ZNF229: variants seen among roughly 807,000 people sequenced by gnomAD.
ZNF229 encodes the protein zinc finger protein 229.
In ZNF229, 10 loss-of-function variants were observed where a neutral mutation model predicts 11.8. The observed-to-expected ratio is 0.85, with a 90% CI of 0.52 to 1.44. The LOEUF is 1.44. Among genes scored for constraint, ZNF229 ranks in the 40% most tolerant of loss-of-function variants. The probability of loss-of-function intolerance (pLI) is 0.00; values close to 1 mark genes in which losing one functional copy is unlikely to be tolerated. For synonymous variants in ZNF229, 368 were observed against 374.8 expected, an observed-to-expected ratio of 0.98 and a Z score of 0.21; for missense variants, 1,045 against 1,015.1, an observed-to-expected ratio of 1.03 and a Z score of -0.40.
chr19:44,443,269 C>T (rs1213826167), intron 2 of ZNF229, among the ~76,000 whole-genome samples: 4 of 152,132 alleles, frequency 2.6e-5, no homozygotes, highest in Non-Finnish European at 4.4e-5. Context: ...AGGCACAGGG[C>T]CCCTCAGAAG....
chr19:44,431,878 G>A (rs1363284018), intron 5 of ZNF229: 1 of 908,114 alleles, frequency 1.1e-6, no homozygotes, highest in African/African-American at 1.8e-5. Context: ...GGGTCTTCCG[G>A]AGGTAATTAA....
chr19:44,430,362 T>C lies in ZNF229; in HGVS notation c.419A>G (p.His140Arg), dbSNP rs761861761. The change falls in exon 6 of 6, where the codon CAT (histidine) becomes CGT (arginine). Residue 140 changes from histidine (H) to arginine (R), a missense_variant. By Grantham distance (29) the His-to-Arg change is conservative (BLOSUM62 0). Transcript: ENST00000614049. The stretch of plus-strand genomic sequence containing the variant: ...CGTAGATGCTCCTTCCCACCCTTGA[T>C]GGGGAGCAGCATCTTCTGAGAACTG... ...DFQFSEDAAP[H>R]QGWEGASTPC... The C allele has an allele frequency of 5.0e-6, 8 of 1,614,044 alleles. No individual in the cohort carries two copies. The South Asian group carries it at 6.6e-5, about 13-fold the overall frequency.
intron 4 of ZNF229, among the ~76,000 whole-genome samples, chr19:44,440,270 G>A (rs890354100): frequency 6.6e-6 from 1 of 151,402 alleles, no homozygotes; most frequent in Non-Finnish European, 1.5e-5. Context: ...GGAACACAGT[G>A]GAAAATGGCA....
intron 2 of ZNF229, 87 bp from the exon 3 acceptor site, chr19:44,443,111 T>C (rs971579366): frequency 1.8e-6 from 1 of 552,166 alleles, no homozygotes; most frequent in African/African-American, 1.9e-5. Context: ...ATTCATTCAG[T>C]AGTTTACAGG....
At chr19:44,432,448 A>T in intron 4 of ZNF229, 82 bp from the exon 5 acceptor site, 1 of 1,563,442 alleles carries the variant, frequency 6.4e-7, no homozygotes, top group Non-Finnish European at 8.6e-7. Context: ...AGAAATAAAA[A>T]AATTTAAAAA....
At chr19:44,448,246 G>A (rs191346227) in intron 1 of ZNF229, 63 bp downstream of exon 1, 2 of 152,198 alleles carry the variant, frequency 1.3e-5, no homozygotes, top group African/African-American at 4.8e-5. Flanking sequence ...TGCCGACCCG[G>A]GCCCACCCCG....
At chr19:44,447,083 C>A (rs1011370536) in intron 2 of ZNF229, among the ~76,000 whole-genome samples, 1 of 152,210 alleles carries the variant, frequency 6.6e-6, no homozygotes, top group African/African-American at 2.4e-5. Context: ...AGCAACTCAT[C>A]TGTGACATGG....
rs116023456 is a variant in ZNF229, at chr19:44,440,797, C to T, written c.93+1766G>A. 4.1e-3 allele frequency among the ~76,000 whole-genome samples: 622 copies of T among 151,074 alleles called. 1 individual carries two copies. The highest frequency in any genetic ancestry group is 0.015 in the African/African-American group (597 of 41,092). Reference sequence around the variant, plus strand: ...GGAGTAGAGTGGCATGATCTTGGTTCACTGCAGCCTTGATTTCCCTGGGCT... The same window carrying T: ...GGAGTAGAGTGGCATGATCTTGGTTTACTGCAGCCTTGATTTCCCTGGGCT... On this transcript the variant is annotated intron_variant, in intron 4 of 5. Transcript: ENST00000614049.
rs61742344 is a variant in ZNF229, at chr19:44,428,347, G to A, written c.2434C>T (p.Arg812Trp). 1.0e-4 allele frequency: 169 copies of A among 1,613,658 alleles called. 1 individual carries two copies. Among genetic ancestry groups the A allele is most frequent in the South Asian group, 7.8e-4 (71 of 91,052 alleles). ...CCTAAATGCACTCTTTGGTGGTTCCGCAGACCTGAGGTATAACTGAAGCCT... is the reference window on the plus strand; with the variant it reads ...CCTAAATGCACTCTTTGGTGGTTCCACAGACCTGAGGTATAACTGAAGCCT... ...GKGFSYTSGLRNHQRVHLGEN... is the reference protein window; with the variant it reads ...GKGFSYTSGLWNHQRVHLGEN... The change falls in exon 6 of 6, where the codon CGG becomes TGG. Residue 812 changes from arginine (R) to tryptophan (W), a missense_variant. By Grantham distance (101) the Arg-to-Trp change is moderately radical (BLOSUM62 -3). Transcript: ENST00000614049.
intron 5 of ZNF229, 181 bp downstream of exon 5, chr19:44,432,041 T>A: frequency 8.0e-7 from 1 of 1,249,018 alleles, no homozygotes; most frequent in Non-Finnish European, 1.0e-6. Context: ...GCTGGCACCC[T>A]GATCTCAGAC....
rs760141957 is a variant in ZNF229, at chr19:44,429,066, T to C, written c.1715A>G (p.Tyr572Cys). 4 of 1,613,908 alleles carry C rather than the reference T, an allele frequency of 2.5e-6. No individual in the cohort carries two copies. Among genetic ancestry groups the C allele is most frequent in the South Asian group, 1.1e-5 (1 of 91,076 alleles). Reference protein sequence around the residue: ...HQRVHTGEKPYKCSECGKGFR... With the variant: ...HQRVHTGEKPCKCSECGKGFR... ...GCCCTTCCCACACTCACTGCATTTA[T>C]AGGGTTTCTCTCCTGTGTGGACCCT... The change falls in exon 6 of 6, where the codon TAT becomes TGT. Residue 572 changes from tyrosine (Y) to cysteine (C), a missense_variant. Physicochemically the swap from Tyr to Cys is radical, Grantham distance 194. Transcript: ENST00000614049.
rs1036725819 is a variant in ZNF229, at chr19:44,430,259, T to C, written c.522A>G (p.Pro174=). ...GLIGLENQQF[P]AWRAIRPIPI... is the part of the protein sequence containing the mutation. ...GGATTGGTCTTATAGCTCTCCAGGCTGGAAACTGTTGATTTTCTAGACCGA... is the reference window on the plus strand; with the variant it reads ...GGATTGGTCTTATAGCTCTCCAGGCCGGAAACTGTTGATTTTCTAGACCGA... The change falls in exon 6 of 6, where the codon CCA becomes CCG. Residue 174 remains proline, a synonymous_variant. Coordinates refer to ENST00000614049, the MANE Select transcript of ZNF229 (RefSeq NM_014518.4). 1 of 1,614,060 alleles carries C rather than the reference T, an allele frequency of 6.2e-7. No homozygotes were observed. Among genetic ancestry groups the C allele is most frequent in the African/African-American group, 1.3e-5 (1 of 74,892 alleles).
intron 4 of ZNF229, among the ~76,000 whole-genome samples, chr19:44,434,234 C>T (rs116020609): frequency 2.5e-4 from 38 of 152,252 alleles, no homozygotes; most frequent in South Asian, 1.7e-3. Context: ...GCATGTACCC[C>T]GAAAACATTC....
rs779726777 is a variant in ZNF229 at position 44,429,705 on chromosome 19, C to T, written c.1076G>A (p.Arg359Lys). ...ATGAATAAGAAGAACCGATTTATAC[C>T]TGAACCCCTTTCCACAGACATCACA... ...YRCDVCGKGF[R>K]YKSVLLIHQG... The change falls in exon 6 of 6, where the codon AGG (arginine) becomes AAG (lysine). Residue 359 changes from arginine (R) to lysine (K), a missense_variant. Transcript: ENST00000614049. The T allele has an allele frequency of 9.9e-6, 16 of 1,614,164 alleles. 2 individuals are homozygous for T. The South Asian group carries it at 1.6e-4, about 17-fold the overall frequency.
chr19:44,428,284 T>C lies in ZNF229; in HGVS notation c.*19A>G, dbSNP rs776577790. 7 of 1,573,370 alleles carry C rather than the reference T, an allele frequency of 4.4e-6. No individual in the cohort carries two copies. Among genetic ancestry groups the C allele is most frequent in the African/African-American group, 4.1e-5 (3 of 73,688 alleles). ...TGGATAGAAAGCTCTGAGTCCCAGA[T>C]GGAATCCTCTATGTACATCTACTTA... On this transcript the variant is annotated 3_prime_UTR_variant, in exon 6 of 6. Transcript: ENST00000614049.
chr19:44,429,366 C>T lies in ZNF229; in HGVS notation c.1415G>A (p.Cys472Tyr). 4 of 1,614,008 alleles carry T rather than the reference C, an allele frequency of 2.5e-6. No homozygotes were observed. The highest frequency in any genetic ancestry group is 2.5e-6 in the Non-Finnish European group (3 of 1,179,944). The change falls in exon 6 of 6, where the codon TGC becomes TAC. Residue 472 changes from cysteine (C) to tyrosine (Y), a missense_variant. Physicochemically the swap from Cys to Tyr is radical, Grantham distance 194. Coordinates refer to ENST00000614049, the MANE Select transcript of ZNF229 (RefSeq NM_014518.4). The part of the protein sequence containing the change: ...SCGECGKGFS[C>Y]SSHLSSHQKT... The stretch of plus-strand genomic sequence containing the variant: ...CTGATGACTGCTGAGGTGGGAGCTG[C>T]AGCTGAATCCCTTTCCACACTCGCC...
Position 44,428,165 on chromosome 19 carries a change from C to T in ZNF229, c.*138G>A, listed in dbSNP as rs56017414. 4,172 of 947,116 alleles carry T rather than the reference C, an allele frequency of 4.4e-3. 11 individuals carry two copies. Among genetic ancestry groups the T allele is most frequent in the Non-Finnish European group, 5.3e-3 (3,411 of 645,070 alleles). 58.7% of individuals were successfully genotyped at this position (947,116 alleles called of 1,614,324 possible). A position where few individuals can be genotyped will look rare whatever the true frequency, so the allele number is the denominator to read the frequency against. On this transcript the variant is annotated 3_prime_UTR_variant, in exon 6 of 6. Coordinates refer to ENST00000614049, the MANE Select transcript of ZNF229 (RefSeq NM_014518.4). ...TATCACACATCCAGGTGTTCCCTTC[C>T]TATGCAGACTAGAAAATGTAAAATC...
Position 44,430,323 on chromosome 19 carries a change from A to G in ZNF229, c.458T>C (p.Ile153Thr). The G allele has an allele frequency of 6.2e-7, 1 of 1,614,074 alleles. No homozygotes were observed. The highest frequency in any genetic ancestry group is 8.5e-7 in the Non-Finnish European group (1 of 1,180,014). The change falls in exon 6 of 6, where the codon ATT (isoleucine) becomes ACT (threonine). Residue 153 changes from isoleucine to threonine, a missense_variant. Transcript: ENST00000614049. ...TTGTAGACTGTCCAGGAAATTCTCA[A>G]TTGGAAAACACGGCGTAGATGCTCC... ...WEGASTPCFP[I>T]ENFLDSLQGD...
At chr19:44,447,692 A>C (rs537114296) in intron 1 of ZNF229, 92 bp from the exon 2 acceptor site, 1 of 152,268 alleles carries the variant, frequency 6.6e-6, no homozygotes, top group Admixed American at 6.5e-5. Context: ...AGCTGGATGT[A>C]ATCTACCCCT....
Sources: gnomAD v4.1 joint callset for allele counts (sites outside exome capture counted in the v4.1 genomes callset) on GRCh38, gnomAD v4.1.1 for gene constraint, MANE v1.5 for transcripts, NCBI Gene and HGNC (gene_info 2026-07-23, HGNC 2026-07-21) for gene names.